Variants in NFKBIZ observed in about 807,000 individuals in gnomAD.
The protein encoded by NFKBIZ is NF-kappa-B inhibitor zeta.
NFKBIZ carries 19 observed loss-of-function variants against 76.8 expected under a neutral mutation model. That is an observed-to-expected ratio of 0.25 (90% CI 0.17 to 0.36). The LOEUF is 0.36. NFKBIZ is among the 10% of genes least tolerant of loss of function. The probability of loss-of-function intolerance (pLI) is 1.00; values close to 1 mark genes in which losing one functional copy is unlikely to be tolerated. For missense variants in NFKBIZ, 829 were observed against 910.9 expected, an observed-to-expected ratio of 0.91 and a Z score of 1.16; for synonymous variants, 368 against 354.8, an observed-to-expected ratio of 1.04 and a Z score of -0.42.
At chr3:101,832,993 T>A (rs755411943) in intron 2 of NFKBIZ, among the ~76,000 whole-genome samples, 6 of 152,236 alleles carry the variant, frequency 3.9e-5, no homozygotes, top group Non-Finnish European at 7.3e-5. Flanking sequence ...CACGAAGTTC[T>A]GAGTAAATCT....
intron 2 of NFKBIZ, among the ~76,000 whole-genome samples, chr3:101,843,289 AAAAAT>A (rs1275306512): frequency 6.6e-6 from 1 of 151,958 alleles, no homozygotes; most frequent in Non-Finnish European, 1.5e-5. Flanking sequence ...GAAAAATAAA[AAAAAT>A]TAGCCAGGCC....
intron 2 of NFKBIZ, among the ~76,000 whole-genome samples, chr3:101,842,889 G>C (rs1414601659): frequency 6.6e-6 from 1 of 151,694 alleles, no homozygotes. Flanking sequence ...GAGGGTTTCA[G>C]AACCAGGTGT....
At position 101,855,051 on chromosome 3, in the gene NFKBIZ, G is replaced by C. The variant is rs765520883; in HGVS notation, c.1444-11G>C. Reference sequence around the variant, plus strand: ...TGTTTAAAATATCTTTTTTCCTCTGGATATCCACAGAGTGCCTTTCAGGTG... The same window carrying C: ...TGTTTAAAATATCTTTTTTCCTCTGCATATCCACAGAGTGCCTTTCAGGTG... On this transcript the variant is annotated splice_polypyrimidine_tract_variant and intron_variant, in intron 6 of 11. Transcript: ENST00000326172. The C allele has an allele frequency of 6.3e-7, 1 of 1,587,124 alleles. No homozygotes were observed. The highest frequency in any genetic ancestry group is 8.5e-7 in the Non-Finnish European group (1 of 1,171,210).
chr3:101,849,176 C>A (rs1330774141), upstream of NFKBIZ: 1 of 152,598 alleles, frequency 6.6e-6, no homozygotes, highest in Non-Finnish European at 1.5e-5. Context: ...CCGGCGGGGG[C>A]CTAGAGGGCA....
At chr3:101,854,325 A>G (rs541348407) in intron 5 of NFKBIZ, among the ~76,000 whole-genome samples, 87 of 152,276 alleles carry the variant, frequency 5.7e-4, no homozygotes, top group Non-Finnish European at 1.1e-3. Context: ...GAGTATTAAA[A>G]ATAATAGATT....
rs945815645 is a variant in NFKBIZ at position 101,855,870 on chromosome 3, C to T, written c.1792C>T (p.Leu598=). Residue 598 remains leucine (L), a synonymous_variant, in exon 9 of 12, where the codon CTA becomes TTA. Coordinates refer to ENST00000326172, the MANE Select transcript of NFKBIZ (RefSeq NM_031419.4). The stretch of plus-strand genomic sequence containing the variant: ...GAGTCTGGTTGATACCATTAAGTGC[C>T]TAATTCAAATGGGAGCAGCGGTGGA... ...NKSLVDTIKC[L]IQMGAAVEAK... is the part of the protein sequence containing the mutation. The T allele has an allele frequency of 6.2e-7, 1 of 1,612,330 alleles. No individual in the cohort carries two copies. The highest frequency in any genetic ancestry group is 1.7e-5 in the Admixed American group (1 of 59,516).
chr3:101,834,561 G>C (rs556891461), intron 2 of NFKBIZ, among the ~76,000 whole-genome samples: 105 of 151,994 alleles, frequency 6.9e-4, no homozygotes, highest in Non-Finnish European at 1.4e-3. Flanking sequence ...GGGTTTCACT[G>C]TGTTGGCCAG....
At position 101,853,483 on chromosome 3, in the gene NFKBIZ, C is replaced by T. The variant is rs202168485; in HGVS notation, c.957C>T (p.Ser319=). 51 of 1,614,198 alleles carry T rather than the reference C, an allele frequency of 3.2e-5. 1 individual carries two copies. In the South Asian group the frequency reaches 4.8e-4, roughly 15 times the overall value. The change falls in exon 5 of 12, where the codon TCC becomes TCT. Residue 319 remains serine (S), a synonymous_variant. Transcript: ENST00000326172. ...EYSPFPIPPQ[S]PAYEPNLFDG... Reference sequence around the variant, plus strand: ...GTCCTTTTCCCATACCTCCCCAGTCCCCCGCTTATGAACCAAACCTCTTTG... The same window carrying T: ...GTCCTTTTCCCATACCTCCCCAGTCTCCCGCTTATGAACCAAACCTCTTTG...
chr3:101,840,682 G>A (rs1038280848), intron 2 of NFKBIZ, among the ~76,000 whole-genome samples: 2 of 152,228 alleles, frequency 1.3e-5, no homozygotes, highest in African/African-American at 4.8e-5. Context: ...TAGCATTGCT[G>A]TGATTCAGGG....
intron 2 of NFKBIZ, among the ~76,000 whole-genome samples, chr3:101,834,656 C>T (rs997789928): frequency 6.6e-6 from 1 of 152,222 alleles, no homozygotes; most frequent in Non-Finnish European, 1.5e-5. Flanking sequence ...CCACCACACC[C>T]GGCCCCTCCC....
intron 1 of NFKBIZ, 79 bp from the exon 2 acceptor site, chr3:101,852,006 A>G: frequency 3.3e-6 from 5 of 1,536,290 alleles, no homozygotes; most frequent in Non-Finnish European, 4.4e-6. Flanking sequence ...ATTAGGCAAC[A>G]GCTATACTTT....
intron 6 of NFKBIZ, 53 bp from the exon 7 acceptor site, chr3:101,855,009 G>A: frequency 1.3e-6 from 2 of 1,525,074 alleles, no homozygotes; most frequent in East Asian, 2.3e-5. Flanking sequence ...CATATTCCTT[G>A]TTATGATAAC....
At chr3:101,844,864 A>G (rs991790995), upstream of NFKBIZ, among the ~76,000 whole-genome samples, 1 of 152,252 alleles carries the variant, frequency 6.6e-6, no homozygotes, top group Non-Finnish European at 1.5e-5. Context: ...TTCTTCAGCC[A>G]AAGCAGTACA....
intron 2 of NFKBIZ, among the ~76,000 whole-genome samples, chr3:101,829,889 G>T (rs1193997672): frequency 6.6e-6 from 1 of 151,940 alleles, no homozygotes; most frequent in African/African-American, 2.4e-5. Context: ...TTGTGTGTGT[G>T]TGTGTGTGTG....
At chr3:101,856,360 G>A (rs11710599) in intron 9 of NFKBIZ, among the ~76,000 whole-genome samples, 21 of 152,336 alleles carry the variant, frequency 1.4e-4, no homozygotes, top group Non-Finnish European at 2.6e-4. Flanking sequence ...AAGAAGCCCA[G>A]ATTTTAACAG....
At chr3:101,852,647 A>G (rs2107415637) in intron 2 of NFKBIZ, 91 bp from the exon 3 acceptor site, 3 of 826,172 alleles carry the variant, frequency 3.6e-6, no homozygotes, top group Non-Finnish European at 6.0e-6. Flanking sequence ...ATGGTAAGCT[A>G]TAAAGGGTGG....
chr3:101,835,839 CACAG>C (rs1942712561), intron 2 of NFKBIZ, among the ~76,000 whole-genome samples: 1 of 152,148 alleles, frequency 6.6e-6, no homozygotes, highest in African/African-American at 2.4e-5. Flanking sequence ...GAAAACCAGG[CACAG>C]ACATTTAGCT....
Position 101,855,420 on chromosome 3 carries a change from G to A in NFKBIZ, c.1616G>A (p.Ser539Asn). The A allele has an allele frequency of 6.2e-7, 1 of 1,614,234 alleles. No homozygotes were observed. The highest frequency in any genetic ancestry group is 8.5e-7 in the Non-Finnish European group (1 of 1,180,040). Reference sequence around the variant, plus strand: ...GCGATTCAGAAGGGAGCAGTGGGAAGTAATCAGTTTGTGGATCTTGAGGCA... The same window carrying A: ...GCGATTCAGAAGGGAGCAGTGGGAAATAATCAGTTTGTGGATCTTGAGGCA... Reference protein sequence around the residue: ...LQAIQKGAVGSNQFVDLEATN... With the variant: ...LQAIQKGAVGNNQFVDLEATN... Residue 539 changes from serine to asparagine, a missense_variant, in exon 8 of 12, where the codon AGT (serine) becomes AAT (asparagine). Around this residue, in one of 4 missense-constraint regions of NFKBIZ, gnomAD observed 272 missense variants for 384.2 expected, o/e 0.71. Transcript: ENST00000326172.
intron 2 of NFKBIZ, among the ~76,000 whole-genome samples, chr3:101,835,624 T>G (rs1942709507): frequency 6.6e-6 from 1 of 152,218 alleles, no homozygotes; most frequent in Admixed American, 6.5e-5. Flanking sequence ...CCCTGGTGTC[T>G]CTACCCTCTT....
Sources: gnomAD v4.1 joint callset for allele counts (sites outside exome capture counted in the v4.1 genomes callset) on GRCh38, gnomAD v4.1.1 for gene constraint, gnomAD v4.1.1 regional missense constraint, MANE v1.5 for transcripts, NCBI Gene and HGNC (gene_info 2026-07-23, HGNC 2026-07-21) for gene names.